TENM2: variants seen among roughly 807,000 people sequenced by gnomAD.
The protein encoded by TENM2 is teneurin transmembrane protein 2.
Under a neutral mutation model 245.2 loss-of-function variants are expected in TENM2, and 52 were observed. The observed-to-expected ratio is 0.21, with a 90% CI of 0.17 to 0.27. TENM2 has a LOEUF of 0.27. Ranked by LOEUF, TENM2 falls within the 10% of genes least tolerant of loss-of-function variation. The pLI is 1.00. For missense variants in TENM2, 3,046 were observed against 3,666.8 expected (o/e 0.83, Z 4.37); for synonymous variants, 1,363 against 1,438.9 (o/e 0.95, Z 1.19).
intron 1 of TENM2, among the ~76,000 whole-genome samples, chr5:167,372,923 C>T (rs955400383): frequency 1.1e-4 from 16 of 152,040 alleles, no homozygotes; most frequent in Admixed American, 2.0e-4. Context: ...TGAGACAGTA[C>T]CAAGGATGCA....
chr5:168,254,698 G>T (rs1038847895), intron 27 of TENM2, among the ~76,000 whole-genome samples: 10 of 152,162 alleles, frequency 6.6e-5, no homozygotes, highest in Non-Finnish European at 1.2e-4. Flanking sequence ...TCCTGAGCTA[G>T]GGAGAGAGAG....
chr5:168,074,594 G>A (rs1362867452), intron 7 of TENM2, among the ~76,000 whole-genome samples: 1 of 42,728 alleles, frequency 2.3e-5, no homozygotes, highest in Non-Finnish European at 4.3e-5. Context: ...TCAGTAAACA[G>A]CTGACAGAAG....
chr5:168,241,857 C>T (rs1766131978), intron 25 of TENM2, among the ~76,000 whole-genome samples: 1 of 152,140 alleles, frequency 6.6e-6, no homozygotes, highest in Non-Finnish European at 1.5e-5. Flanking sequence ...CAGAGATTAG[C>T]AATAGCAAGG....
chr5:167,712,620 T>C (rs945996452), intron 2 of TENM2, among the ~76,000 whole-genome samples: 10 of 152,202 alleles, frequency 6.6e-5, no homozygotes, highest in African/African-American at 2.4e-4. Flanking sequence ...AGAAATTGGT[T>C]TTGTGGTACT....
At chr5:167,311,257 T>C (rs1216655369) in intron 1 of TENM2, among the ~76,000 whole-genome samples, 1 of 152,200 alleles carries the variant, frequency 6.6e-6, no homozygotes, top group Non-Finnish European at 1.5e-5. Flanking sequence ...GTTATAAAAA[T>C]AATTCACATC....
chr5:167,346,379 G>A (rs1049820650), intron 1 of TENM2, among the ~76,000 whole-genome samples: 2 of 152,226 alleles, frequency 1.3e-5, no homozygotes, highest in Non-Finnish European at 2.9e-5. Flanking sequence ...AATGAGGGAA[G>A]TAATGAGCTA....
At chr5:168,054,995 C>T (rs547370262) in intron 6 of TENM2, among the ~76,000 whole-genome samples, 1 of 152,148 alleles carries the variant, frequency 6.6e-6, no homozygotes, top group Non-Finnish European at 1.5e-5. Flanking sequence ...AAAGGTTTGC[C>T]ATGGAAGCCC....
intron 12 of TENM2, among the ~76,000 whole-genome samples, chr5:168,144,363 A>G (rs1383596838): frequency 1.6e-4 from 23 of 146,942 alleles, no homozygotes; most frequent in African/African-American, 5.6e-4. Flanking sequence ...CCAAAGTGTG[A>G]TATTCCCCTT....
chr5:167,107,399 TATAGGATCA>T, the TENM2 span, among the ~76,000 whole-genome samples: 2 of 152,196 alleles, frequency 1.3e-5, no homozygotes, highest in Non-Finnish European at 2.9e-5. Flanking sequence ...AGAATGTGAC[TATAGGATCA>T]ATAAACAAGT....
intron 2 of TENM2, among the ~76,000 whole-genome samples, chr5:167,776,593 GAAAAAAAAAAAAAAAAAAA>G (rs869252752): frequency 5.6e-5 from 2 of 36,020 alleles, no homozygotes; most frequent in Non-Finnish European, 1.1e-4. Context: ...GACCCTGTCT[GAAAAAAAAAAAAAAAAAAA>G]AAAAAAAAAA....
chr5:167,170,483 A>C, the TENM2 span, among the ~76,000 whole-genome samples: 1 of 152,244 alleles, frequency 6.6e-6, no homozygotes, highest in African/African-American at 2.4e-5. Flanking sequence ...CATTTAATAT[A>C]TTGGTTAAAA....
chr5:167,856,507 A>C (rs964827298), intron 2 of TENM2, among the ~76,000 whole-genome samples: 4 of 152,206 alleles, frequency 2.6e-5, no homozygotes, highest in Non-Finnish European at 4.4e-5. Flanking sequence ...TGTTTCCTTT[A>C]AATAAAGTTA....
chr5:167,687,092 A>G (rs952826965), intron 2 of TENM2, among the ~76,000 whole-genome samples: 2 of 152,118 alleles, frequency 1.3e-5, no homozygotes, highest in Non-Finnish European at 2.9e-5. Flanking sequence ...CCTTAATTTG[A>G]TCATCTGGTG....
chr5:167,517,909 C>T (rs1051038527), intron 2 of TENM2, among the ~76,000 whole-genome samples: 2 of 151,968 alleles, frequency 1.3e-5, no homozygotes, highest in Non-Finnish European at 2.9e-5. Context: ...CAGCAGGGGC[C>T]GGGCACCGTG....
intron 4 of TENM2, among the ~76,000 whole-genome samples, chr5:167,966,724 C>T (rs1222137687): frequency 6.6e-6 from 1 of 152,184 alleles, no homozygotes; most frequent in African/African-American, 2.4e-5. Context: ...CTGACAGAAT[C>T]ACTGACAAGC....
At chr5:167,631,100 G>A (rs1038608255) in intron 2 of TENM2, among the ~76,000 whole-genome samples, 11 of 152,100 alleles carry the variant, frequency 7.2e-5, no homozygotes, top group African/African-American at 2.2e-4. Flanking sequence ...ATCTGGAATC[G>A]AACTCGTGGC....
At chr5:167,836,885 A>G (rs1769046885) in intron 2 of TENM2, among the ~76,000 whole-genome samples, 1 of 152,186 alleles carries the variant, frequency 6.6e-6, no homozygotes, top group Non-Finnish European at 1.5e-5. Flanking sequence ...GCATACTTTG[A>G]TCATGCTCGG....
chr5:167,102,832 T>C, the TENM2 span, among the ~76,000 whole-genome samples: 10 of 152,316 alleles, frequency 6.6e-5, no homozygotes, highest in African/African-American at 2.4e-4. Context: ...TTAAATTTTG[T>C]ATTTTTAGTA....
chr5:168,142,446 C>T (rs775900216), intron 12 of TENM2, among the ~76,000 whole-genome samples: 16 of 152,188 alleles, frequency 1.1e-4, no homozygotes, highest in Non-Finnish European at 1.9e-4. Context: ...AACAGTAAGG[C>T]AACCATTAAA....
Sources: allele counts gnomAD v4.1 joint callset (sites outside exome capture counted in the v4.1 genomes callset), GRCh38; gene constraint gnomAD v4.1.1; transcripts MANE v1.5; gene names NCBI Gene and HGNC (gene_info 2026-07-23, HGNC 2026-07-21).